LAPTM4B: variants seen among roughly 807,000 people sequenced by gnomAD.
LAPTM4B encodes lysosomal protein transmembrane 4 beta.
LAPTM4B carries 26 observed loss-of-function variants against 28.5 expected under a neutral mutation model. The ratio of observed to expected loss-of-function variants is 0.91; its 90% CI spans 0.67 to 1.27. The LOEUF is 1.27. Among genes scored for constraint, LAPTM4B ranks in the 50% most tolerant of loss-of-function variants. The pLI, the probability that LAPTM4B is intolerant of heterozygous loss-of-function variation, is 0.00. For missense variants in LAPTM4B, 288 were observed against 285.8 expected (o/e 1.01, Z -0.06); for synonymous variants, 109 against 106.4 (o/e 1.02, Z -0.15).
intron 1 of LAPTM4B, among the ~76,000 whole-genome samples, chr8:97,777,178 A>T (rs552616769): frequency 8.9e-4 from 99 of 111,064 alleles, no homozygotes; most frequent in Admixed American, 2.5e-3. Context: ...ACAGAGTCTC[A>T]CTCTGTGGCC....
chr8:97,811,846 C>T (rs1181504396), intron 2 of LAPTM4B, among the ~76,000 whole-genome samples: 1 of 152,194 alleles, frequency 6.6e-6, no homozygotes. Flanking sequence ...TGCTCTGTCG[C>T]CCAGGCTGGA....
intron 1 of LAPTM4B, among the ~76,000 whole-genome samples, chr8:97,790,770 G>A (rs2449558): frequency 0.12 from 17,728 of 151,704 alleles, 1,261 homozygotes; most frequent in Middle Eastern, 0.27. Flanking sequence ...GACAAAGTCT[G>A]GCTCTATTGC....
chr8:97,834,159 T>A (rs1489065714), intron 6 of LAPTM4B, among the ~76,000 whole-genome samples: 299 of 59,392 alleles, frequency 5.0e-3, no homozygotes, highest in East Asian at 0.011. Context: ...AAAAAAAAAA[T>A]CCAGGTGGCA....
intron 4 of LAPTM4B, among the ~76,000 whole-genome samples, chr8:97,817,168 G>A (rs996894904): frequency 3.5e-4 from 54 of 152,266 alleles, no homozygotes; most frequent in African/African-American, 1.3e-3. Flanking sequence ...CAGGGTCTCT[G>A]TCACCCAGGC....
At chr8:97,797,599 A>G (rs1040642462) in intron 1 of LAPTM4B, among the ~76,000 whole-genome samples, 1 of 152,224 alleles carries the variant, frequency 6.6e-6, no homozygotes, top group Non-Finnish European at 1.5e-5. Context: ...ACTATTATAC[A>G]TAAGTCTGCA....
At chr8:97,790,973 C>G (rs114882573) in intron 1 of LAPTM4B, among the ~76,000 whole-genome samples, 46 of 152,124 alleles carry the variant, frequency 3.0e-4, no homozygotes, top group African/African-American at 1.1e-3. Context: ...GGTGCAATCA[C>G]GCCTCATTGC....
intron 6 of LAPTM4B, among the ~76,000 whole-genome samples, chr8:97,844,234 A>G (rs904599378): frequency 3.9e-5 from 6 of 152,052 alleles, no homozygotes; most frequent in African/African-American, 1.4e-4. Context: ...CTGGGATTAC[A>G]TGCACGTACC....
intron 3 of LAPTM4B, among the ~76,000 whole-genome samples, 167 bp downstream of exon 3, chr8:97,815,568 ATTTT>A (rs35103829): frequency 4.1e-5 from 6 of 146,742 alleles, no homozygotes; most frequent in Non-Finnish European, 9.1e-5. Flanking sequence ...TATACTGGAA[ATTTT>A]TTTTTTTTTG....
intron 1 of LAPTM4B, among the ~76,000 whole-genome samples, chr8:97,803,340 A>C (rs2129766881): frequency 6.6e-6 from 1 of 151,704 alleles, no homozygotes; most frequent in African/African-American, 2.4e-5. Flanking sequence ...GGGCAGTGGC[A>C]CGATCTCAGC....
intron 2 of LAPTM4B, among the ~76,000 whole-genome samples, chr8:97,814,952 A>G (rs2129789914): frequency 6.6e-6 from 1 of 152,290 alleles, no homozygotes; most frequent in South Asian, 2.1e-4. Flanking sequence ...TCGGCCTCCC[A>G]AAGTGTTGGG....
intron 2 of LAPTM4B, among the ~76,000 whole-genome samples, chr8:97,807,028 A>G (rs1288193777): frequency 6.6e-6 from 1 of 152,156 alleles, no homozygotes; most frequent in Non-Finnish European, 1.5e-5. Flanking sequence ...AGGCCTCCCC[A>G]GCCATGTGGA....
intron 5 of LAPTM4B, among the ~76,000 whole-genome samples, chr8:97,822,676 A>G (rs2129807984): frequency 6.6e-6 from 1 of 152,076 alleles, no homozygotes; most frequent in East Asian, 1.9e-4. Context: ...ACATTAAAAG[A>G]TATTTTTGAA....
chr8:97,824,487 A>G (rs1817061263), intron 5 of LAPTM4B, among the ~76,000 whole-genome samples: 1 of 152,218 alleles, frequency 6.6e-6, no homozygotes, highest in African/African-American at 2.4e-5. Context: ...ATTTCTAAGC[A>G]GTATTTATGT....
At chr8:97,846,327 A>AT (rs57959152) in intron 6 of LAPTM4B, among the ~76,000 whole-genome samples, 42,876 of 138,782 alleles carry the variant, frequency 0.31, 7,593 homozygotes, top group Non-Finnish European at 0.41. Context: ...AGAGTATCCA[A>AT]TTTTTTTTTT....
rs375691148 is a variant in LAPTM4B, at chr8:97,824,926, G to T, written c.508-132G>T. 5.0e-5 allele frequency: 27 copies of T among 542,038 alleles called. No individual in the cohort carries two copies. In the East Asian group the frequency reaches 8.3e-4, roughly 17 times the overall value. 33.6% of individuals were successfully genotyped at this position (542,038 alleles called of 1,614,324 possible). On this transcript the variant is annotated intron_variant, in intron 5 of 6. Transcript: ENST00000521545. Reference sequence around the variant, plus strand: ...TGTACTTTCAGGGACTTTTGGTTTAGTAGAGCTGTTATAATATGTGCATTT... The same window carrying T: ...TGTACTTTCAGGGACTTTTGGTTTATTAGAGCTGTTATAATATGTGCATTT...
At chr8:97,812,737 G>A (rs1463026010) in intron 2 of LAPTM4B, among the ~76,000 whole-genome samples, 2 of 152,136 alleles carry the variant, frequency 1.3e-5, no homozygotes. Flanking sequence ...ACCAACCCAA[G>A]ACAACCTCAG....
At chr8:97,845,960 G>A (rs898845795) in intron 6 of LAPTM4B, among the ~76,000 whole-genome samples, 12 of 135,456 alleles carry the variant, frequency 8.9e-5, no homozygotes, top group Middle Eastern at 3.8e-3. Flanking sequence ...TGGTACGATC[G>A]TGTTTCACTG....
chr8:97,845,152 C>T (rs941887143), intron 6 of LAPTM4B, among the ~76,000 whole-genome samples: 7 of 152,182 alleles, frequency 4.6e-5, no homozygotes, highest in African/African-American at 1.7e-4. Context: ...TCTCACTCTT[C>T]CATTTTCTCC....
chr8:97,816,832 C>T (rs1400853415), intron 4 of LAPTM4B, among the ~76,000 whole-genome samples: 1 of 152,044 alleles, frequency 6.6e-6, no homozygotes, highest in East Asian at 1.9e-4. Flanking sequence ...CCTAGCCACT[C>T]GGGAGGCTGA....
Sources: allele counts gnomAD v4.1 joint callset (sites outside exome capture counted in the v4.1 genomes callset), GRCh38; gene constraint gnomAD v4.1.1; transcripts MANE v1.5; gene names NCBI Gene and HGNC (gene_info 2026-07-23, HGNC 2026-07-21).